Variants in SCLT1 observed in about 807,000 individuals in gnomAD.
SCLT1 encodes sodium channel-associated protein 1.
A neutral mutation model predicts 112.8 loss-of-function variants in SCLT1; 78 were observed. The observed-to-expected ratio is 0.69, with a 90% CI of 0.58 to 0.83. The LOEUF (loss-of-function observed/expected upper bound fraction) is 0.83. Among genes scored for constraint, SCLT1 ranks in the 40% least tolerant of loss-of-function variants. The pLI is 0.00. For synonymous variants in SCLT1, 257 were observed against 254.7 expected (o/e 1.01, Z -0.09); for missense variants, 747 against 770.4 (o/e 0.97, Z 0.36).
chr4:129,026,305 G>A (rs1202313417), intron 5 of SCLT1, among the ~76,000 whole-genome samples: 1 of 152,050 alleles, frequency 6.6e-6, no homozygotes, highest in African/African-American at 2.4e-5. Flanking sequence ...GGGAAGTAAA[G>A]CTCTCCTCAG....
At chr4:128,988,512 T>C (rs944673199) in intron 9 of SCLT1, among the ~76,000 whole-genome samples, 67 of 151,444 alleles carry the variant, frequency 4.4e-4, no homozygotes, top group Non-Finnish European at 5.9e-4. Flanking sequence ...GCCAAGAAAT[T>C]AAAATATACT....
At position 129,019,337 on chromosome 4, in the gene SCLT1, T is replaced by C. The variant is rs573890103; in HGVS notation, c.291-15461A>G. On this transcript the variant is annotated intron_variant, in intron 5 of 20. Transcript: ENST00000281142. ...AATCAAACACAATGTCTGTATTTCT[T>C]TGAATTGAATTTGTCTCCAACAAAA... is the stretch of plus-strand genomic sequence containing the variant. Among the ~76,000 whole-genome samples the C allele has an allele frequency of 2.0e-3, 310 of 152,332 alleles. 3 individuals are homozygous for C. Among genetic ancestry groups the C allele is most frequent in the Middle Eastern group, 0.01 (3 of 294 alleles).
chr4:128,942,523 GA>G (rs1458058809), intron 17 of SCLT1, among the ~76,000 whole-genome samples: 3 of 151,970 alleles, frequency 2.0e-5, no homozygotes, highest in African/African-American at 7.2e-5. Context: ...AAAAGAAAGG[GA>G]ATTTGTTTTA....
At chr4:129,091,074 G>A (rs1431224051) in intron 1 of SCLT1, among the ~76,000 whole-genome samples, 2 of 152,128 alleles carry the variant, frequency 1.3e-5, no homozygotes, top group Non-Finnish European at 2.9e-5. Flanking sequence ...AAAGTCAGAG[G>A]CAGGTGGAAA....
chr4:128,960,906 G>A lies in SCLT1; in HGVS notation c.870-1129C>T, dbSNP rs1489025048. ...CTGCAGTCCGCAGTCCGGCCTGGGC[G>A]ACAGAGCGAGACTCCGTCTCAAAAA... On this transcript the variant is annotated intron_variant, in intron 11 of 20. Coordinates refer to ENST00000281142, the MANE Select transcript of SCLT1 (RefSeq NM_144643.4). Among the ~76,000 whole-genome samples the A allele has an allele frequency of 2.9e-5, 3 of 103,376 alleles. No homozygotes were observed. In the Admixed American group the frequency reaches 4.6e-4, roughly 16 times the overall value. The allele number at this position is 103,376 out of a possible 152,430, so 67.8% of individuals were successfully genotyped here. A position where few individuals can be genotyped will look rare whatever the true frequency, so the allele number is the denominator to read the frequency against.
intron 16 of SCLT1, 28 bp from the exon 17 acceptor site, chr4:128,943,216 C>T (rs180671738): frequency 1.2e-5 from 18 of 1,485,116 alleles, no homozygotes; most frequent in Non-Finnish European, 1.7e-5. Flanking sequence ...TGAAAAGAAT[C>T]CTTAAACTTA....
Position 129,039,900 on chromosome 4 carries a change from GCACACACACACACA to G in SCLT1, c.235-818_235-805del, listed in dbSNP as rs36041794. On this transcript the variant is annotated intron_variant, in intron 4 of 20. Coordinates refer to ENST00000281142, the MANE Select transcript of SCLT1 (RefSeq NM_144643.4). Reference sequence around the variant, plus strand: ...GAGCAAATGGAGAGTGTGCGCGCGCGCACACACACACACACACACACACACACACACAAAACCCT... The same window carrying G: ...GAGCAAATGGAGAGTGTGCGCGCGCGCACACACACACACACACAAAACCCT... 2.9e-3 allele frequency: 626 copies of G among 219,018 alleles called. 1 individual carries two copies. The highest frequency in any genetic ancestry group is 0.012 in the African/African-American group (505 of 43,440). The allele number at this position is 219,018 out of a possible 1,614,324, so 13.6% of individuals were successfully genotyped here.
intron 5 of SCLT1, among the ~76,000 whole-genome samples, chr4:129,034,786 A>T (rs531870029): frequency 1.3e-5 from 2 of 151,492 alleles, no homozygotes; most frequent in Non-Finnish European, 2.9e-5. Flanking sequence ...ACGACTATTC[A>T]ACTTCATAGT....
intron 5 of SCLT1, among the ~76,000 whole-genome samples, chr4:129,007,728 C>T (rs569207227): frequency 1.9e-4 from 29 of 152,250 alleles, no homozygotes; most frequent in African/African-American, 7.0e-4. Context: ...AAATTTAATG[C>T]AATTACTAAG....
intron 10 of SCLT1, 61 bp downstream of exon 10, chr4:128,970,317 T>C (rs2126032593): frequency 6.5e-6 from 6 of 923,086 alleles, no homozygotes; most frequent in Middle Eastern, 4.2e-4. Flanking sequence ...CCAAAATAAA[T>C]CAACAAAATA....
At chr4:128,939,989 C>G (rs146691530) in intron 17 of SCLT1, among the ~76,000 whole-genome samples, 1 of 152,078 alleles carries the variant, frequency 6.6e-6, no homozygotes, top group African/African-American at 2.4e-5. Context: ...TTAAGACGTT[C>G]GGCTCTTTAT....
At chr4:129,035,847 AT>A (rs35547438) in intron 5 of SCLT1, among the ~76,000 whole-genome samples, 6,554 of 149,412 alleles carry the variant, frequency 0.044, 159 homozygotes, top group East Asian at 0.064. Context: ...AATAATATGT[AT>A]TTTTTTTTTA....
Position 129,044,880 on chromosome 4 carries a change from T to C in SCLT1, c.103-829A>G, listed in dbSNP as rs12509523. 5.9e-3 allele frequency among the ~76,000 whole-genome samples: 867 copies of C among 148,184 alleles called. 17 individuals are homozygous for C. The highest frequency in any genetic ancestry group is 0.049 in the Admixed American group (730 of 14,916). ...AAGAAAGAGGGAAGAACTTGGTTAC[T>C]ACATAGCAAAACACCACAATGCTAT... On this transcript the variant is annotated intron_variant, in intron 2 of 20. Coordinates refer to ENST00000281142, the MANE Select transcript of SCLT1 (RefSeq NM_144643.4).
In SCLT1 at chr4:129,003,833, C is replaced by T; in HGVS notation, c.334G>A (p.Ala112Thr). The part of the protein sequence containing the change: ...LKDAVEKKLE[A>T]FPLGTEVGTD... ...CCTACCTCTGTGCCCAGGGGAAAGGCCTCCAATTTTTTTTCAACAGCATCT... is the reference window on the plus strand; with the variant it reads ...CCTACCTCTGTGCCCAGGGGAAAGGTCTCCAATTTTTTTTCAACAGCATCT... Residue 112 changes from alanine to threonine, a missense_variant, in exon 6 of 21, where the codon GCC becomes ACC. By Grantham distance (58) the Ala-to-Thr change is moderately conservative (BLOSUM62 0). Transcript: ENST00000281142. 6.2e-7 allele frequency: 1 copy of T among 1,611,804 alleles called. No homozygotes were observed. The highest frequency in any genetic ancestry group is 8.5e-7 in the Non-Finnish European group (1 of 1,178,542).
rs112358448 is a variant in SCLT1 at position 128,946,073 on chromosome 4, C to A, written c.1373G>T (p.Arg458Leu). Residue 458 changes from arginine to leucine, a missense_variant, in exon 16 of 21, where the codon CGT becomes CTT. This residue lies in a region of SCLT1 where 723 missense variants were observed against 721.3 expected (regional missense o/e 1.00). Coordinates refer to ENST00000281142, the MANE Select transcript of SCLT1 (RefSeq NM_144643.4). ...EMHQRFLVSERSKDDLQLRLT... is the reference protein window; with the variant it reads ...EMHQRFLVSELSKDDLQLRLT... Reference sequence around the variant, plus strand: ...TCTTAGCTGAAGATCATCTTTTGAACGCTCTGAAACCAGGAATCTTTGGTG... The same window carrying A: ...TCTTAGCTGAAGATCATCTTTTGAAAGCTCTGAAACCAGGAATCTTTGGTG... 11 of 1,609,074 alleles carry A rather than the reference C, an allele frequency of 6.8e-6. No individual in the cohort carries two copies. In the East Asian group the frequency reaches 1.6e-4, roughly 23 times the overall value.
At chr4:129,029,796 AG>A (rs1307808662) in intron 5 of SCLT1, among the ~76,000 whole-genome samples, 1 of 152,200 alleles carries the variant, frequency 6.6e-6, no homozygotes, top group Non-Finnish European at 1.5e-5. Context: ...CAAATACATG[AG>A]CAACCAGATT....
intron 9 of SCLT1, among the ~76,000 whole-genome samples, chr4:128,973,203 A>G (rs1174831424): frequency 6.6e-6 from 1 of 152,142 alleles, no homozygotes; most frequent in Non-Finnish European, 1.5e-5. Flanking sequence ...TATAATATAT[A>G]ATACTTTATA....
At chr4:128,873,703 G>A (rs1732373575) in intron 5 of SCLT1, 3 of 152,254 alleles carry the variant, frequency 2.0e-5, no homozygotes, top group South Asian at 4.1e-4. Flanking sequence ...GAACAAGCCC[G>A]ACTTCCCCTA....
At chr4:128,906,575 A>G (rs2125941137) in intron 18 of SCLT1, among the ~76,000 whole-genome samples, 1 of 152,348 alleles carries the variant, frequency 6.6e-6, no homozygotes, top group Non-Finnish European at 1.5e-5. Flanking sequence ...TGTGTTCTAA[A>G]GCTTTATTTA....
Sources: allele counts gnomAD v4.1 joint callset (sites outside exome capture counted in the v4.1 genomes callset), GRCh38; gene constraint gnomAD v4.1.1; regional missense constraint gnomAD v4.1.1; transcripts MANE v1.5; gene names NCBI Gene and HGNC (gene_info 2026-07-23, HGNC 2026-07-21).